PODNL1: variants seen among roughly 807,000 people sequenced by gnomAD.
PODNL1 encodes the protein podocan like 1.
In PODNL1, 50 loss-of-function variants were observed where a neutral mutation model predicts 45.1. The ratio of observed to expected loss-of-function variants is 1.11; its 90% CI spans 0.88 to 1.40. The LOEUF is 1.40. Among genes scored for constraint, PODNL1 ranks in the 40% most tolerant of loss-of-function variants. The pLI, the probability that PODNL1 is intolerant of heterozygous loss-of-function variation, is 0.00. For synonymous variants in PODNL1, 406 were observed against 372.5 expected (o/e 1.09, Z -1.04); for missense variants, 788 against 793.3 (o/e 0.99, Z 0.08).
chr19:13,931,836 G>A lies in PODNL1; in HGVS notation c.1626C>T (p.Leu542=). ...TSIAAEAFLG[L]PNLRVVDTAG... ...CCGTGTCCACCACACGCAGGTTTGG[G>A]AGCCCCAGGAAGGCCTCAGCCGCGA... The change falls in exon 10 of 10, where the codon CTC becomes CTT. Residue 542 remains leucine, a synonymous_variant. Coordinates refer to ENST00000588872, the MANE Select transcript of PODNL1 (RefSeq NM_001370095.3). 1 of 1,231,966 alleles carries A rather than the reference G, an allele frequency of 8.1e-7. No homozygotes were observed. 76.3% of individuals were successfully genotyped at this position (1,231,966 alleles called of 1,614,324 possible).
Position 13,934,283 on chromosome 19 carries a change from G to A in PODNL1, c.622C>T (p.Pro208Ser). ...AGGTGGAGCCGCTCGAGTGAGGGCG[G>A]CAGGCTGGGCGGCAGGTAGCTGAGC... ...NQLSYLPPSL[P>S]PSLERLHLQN... The change falls in exon 6 of 10, where the codon CCG (proline) becomes TCG (serine). Residue 208 changes from proline to serine, a missense_variant. Physicochemically the swap from Pro to Ser is moderately conservative, Grantham distance 74. Coordinates refer to ENST00000588872, the MANE Select transcript of PODNL1 (RefSeq NM_001370095.3). 6.5e-7 allele frequency: 1 copy of A among 1,531,654 alleles called. No homozygotes were observed. The highest frequency in any genetic ancestry group is 2.3e-5 in the East Asian group (1 of 43,408). The allele number at this position is 1,531,654 out of a possible 1,614,324, so 94.9% of individuals were successfully genotyped here.
At chr19:13,945,493 A>AT (rs902283331) in intron 1 of PODNL1, among the ~76,000 whole-genome samples, 97 of 147,220 alleles carry the variant, frequency 6.6e-4, no homozygotes, top group Middle Eastern at 3.4e-3. Flanking sequence ...TGTCTCTACA[A>AT]TTTTTTTTTT....
At chr19:13,936,740 C>T (rs1476573819) in intron 2 of PODNL1, among the ~76,000 whole-genome samples, 1 of 118,078 alleles carries the variant, frequency 8.5e-6, no homozygotes, top group Non-Finnish European at 1.7e-5. Flanking sequence ...CCCCCACAAC[C>T]GACCCCAAAT....
Position 13,933,012 on chromosome 19 carries a change from C to A in PODNL1, c.1211G>T (p.Arg404Leu). ...HRAFRRLRAL[R>L]SLDLAGNQLT... ...CTGATTCCCTGCCAGGTCGAGGCTG[C>A]GCAGGGCACGCAACCGGCGGAAGGC... Residue 404 changes from arginine (R) to leucine (L), a missense_variant, in exon 8 of 10, where the codon CGC becomes CTC. Arg to Leu is a moderately radical substitution (Grantham distance 102). Around this residue, in one of 3 missense-constraint regions of PODNL1, gnomAD observed 762 missense variants for 750.9 expected, o/e 1.01. Coordinates refer to ENST00000588872, the MANE Select transcript of PODNL1 (RefSeq NM_001370095.3). The surrounding 1 kb of genome is among the most constrained non-coding windows in gnomAD (Gnocchi z 5.2). The A allele has an allele frequency of 6.5e-7, 1 of 1,540,506 alleles. No homozygotes were observed. Among genetic ancestry groups the A allele is most frequent in the Non-Finnish European group, 8.7e-7 (1 of 1,148,734 alleles).
chr19:13,932,145 G>A (rs1971987548), intron 8 of PODNL1, 33 bp from the exon 9 acceptor site: 1 of 1,234,338 alleles, frequency 8.1e-7, no homozygotes, highest in Non-Finnish European at 1.0e-6. Context: ...CATCGTGGCA[G>A]CCCCAGGCCT....
In PODNL1 at chr19:13,938,284, C is replaced by G; in HGVS notation, c.-103G>C. 2.0e-6 allele frequency: 3 copies of G among 1,495,990 alleles called. No individual in the cohort carries two copies. The highest frequency in any genetic ancestry group is 2.7e-6 in the Non-Finnish European group (3 of 1,121,826). The allele number at this position is 1,495,990 out of a possible 1,614,324, so 92.7% of individuals were successfully genotyped here. A position where few individuals can be genotyped will look rare whatever the true frequency, so the allele number is the denominator to read the frequency against. On this transcript the variant is annotated 5_prime_UTR_variant, in exon 1 of 10. Transcript: ENST00000588872. ...AGCCTCTGCTGTGGCCACCACCGCC[C>G]CCCATCTCCAGACCCATGCCACCCC...
At position 13,933,601 on chromosome 19, in the gene PODNL1, G is replaced by A; in HGVS notation, c.768-146C>T. The A allele has an allele frequency of 1.0e-6, 1 of 982,730 alleles. No homozygotes were observed. The highest frequency in any genetic ancestry group is 1.5e-6 in the Non-Finnish European group (1 of 685,078). 60.9% of individuals were successfully genotyped at this position (982,730 alleles called of 1,614,324 possible). On this transcript the variant is annotated intron_variant, in intron 7 of 9. Coordinates refer to ENST00000588872, the MANE Select transcript of PODNL1 (RefSeq NM_001370095.3). This position sits in a 1 kb window ranked among gnomAD's most constrained non-coding sequence, Gnocchi z 5.2. ...GTGATGCGTGGAGAGAGCTGGGTGG[G>A]AGGTAAACTTGGGGTGCCCAGGGCA... is the stretch of plus-strand genomic sequence containing the variant.
intron 1 of PODNL1, among the ~76,000 whole-genome samples, chr19:13,944,671 G>A (rs998431143): frequency 2.0e-5 from 3 of 151,820 alleles, no homozygotes; most frequent in African/African-American, 4.8e-5. Flanking sequence ...TGGCCAGGCT[G>A]GTTTCAAACT....
At position 13,935,865 on chromosome 19, in the gene PODNL1, G is replaced by T; in HGVS notation, c.385-35C>A. 4.5e-6 allele frequency: 7 copies of T among 1,571,534 alleles called. No homozygotes were observed. In the East Asian group the frequency reaches 1.6e-4, roughly 36 times the overall value. ...CACAGCCCACAGCCGGACTGGTCCT[G>T]GTGCGCCTTGGCCCCACCACTTCCC... On this transcript the variant is annotated intron_variant, in intron 4 of 9. Transcript: ENST00000588872.
intron 1 of PODNL1, among the ~76,000 whole-genome samples, chr19:13,947,030 CAA>C (rs538797196): frequency 0.077 from 6,414 of 83,634 alleles, 505 homozygotes; most frequent in African/African-American, 0.23. Context: ...CAGCCTGTCT[CAA>C]AAAAAAAAAA....
chr19:13,938,021 G>T lies in PODNL1; in HGVS notation c.4-15C>A. The stretch of plus-strand genomic sequence containing the variant: ...AGGCTCGGCCACTGCGGGGGAGGGA[G>T]GGTCAGCGTGTCTCCAGGCTGGGCG... On this transcript the variant is annotated splice_polypyrimidine_tract_variant and intron_variant, in intron 1 of 9. Coordinates refer to ENST00000588872, the MANE Select transcript of PODNL1 (RefSeq NM_001370095.3). 1 of 1,494,968 alleles carries T rather than the reference G, an allele frequency of 6.7e-7. No homozygotes were observed. The highest frequency in any genetic ancestry group is 9.0e-7 in the Non-Finnish European group (1 of 1,108,276). The allele number at this position is 1,494,968 out of a possible 1,614,324, so 92.6% of individuals were successfully genotyped here. A position where few individuals can be genotyped will look rare whatever the true frequency, so the allele number is the denominator to read the frequency against.
At chr19:13,940,353 C>G (rs899659569), upstream of PODNL1, among the ~76,000 whole-genome samples, 1 of 140,248 alleles carries the variant, frequency 7.1e-6, no homozygotes, top group Non-Finnish European at 1.5e-5. Flanking sequence ...AGGTGGATCA[C>G]AAGGTCAAGA....
Position 13,933,265 on chromosome 19 carries a change from C to T in PODNL1, c.958G>A (p.Gly320Arg). The T allele has an allele frequency of 6.4e-7, 1 of 1,560,326 alleles. No individual in the cohort carries two copies. The highest frequency in any genetic ancestry group is 8.6e-7 in the Non-Finnish European group (1 of 1,158,150). Residue 320 changes from glycine to arginine, a missense_variant, in exon 8 of 10, where the codon GGG (glycine) becomes AGG (arginine). Around this residue, in one of 3 missense-constraint regions of PODNL1, gnomAD observed 762 missense variants for 750.9 expected, o/e 1.01. Coordinates refer to ENST00000588872, the MANE Select transcript of PODNL1 (RefSeq NM_001370095.3). The surrounding 1 kb of genome is among the most constrained non-coding windows in gnomAD (Gnocchi z 5.2). Reference protein sequence around the residue: ...LLQHNQLGSSGLPAGALRPLR... With the variant: ...LLQHNQLGSSRLPAGALRPLR... ...GGCCGCAGAGCCCCGGCGGGCAGCC[C>T]TGAGCTCCCCAGCTGGTTGTGCTGC...
chr19:13,950,331 T>C (rs886088401), intron 1 of PODNL1, among the ~76,000 whole-genome samples: 1 of 152,024 alleles, frequency 6.6e-6, no homozygotes, highest in Non-Finnish European at 1.5e-5. Flanking sequence ...GTAGAGTCAG[T>C]GAATTTCTTT....
chr19:13,948,528 A>G (rs1403496383), intron 1 of PODNL1, among the ~76,000 whole-genome samples: 1 of 150,710 alleles, frequency 6.6e-6, no homozygotes, highest in African/African-American at 2.4e-5. Flanking sequence ...TCCATTTTCA[A>G]TGCTAGTAGA....
intron 5 of PODNL1, among the ~76,000 whole-genome samples, chr19:13,934,807 GT>G (rs1972225076): frequency 6.6e-6 from 1 of 152,068 alleles, no homozygotes; most frequent in African/African-American, 2.4e-5. Context: ...GCATGTGATT[GT>G]AAGTGTGGGT....
intron 2 of PODNL1, 89 bp downstream of exon 2, chr19:13,937,696 C>A: frequency 8.0e-7 from 1 of 1,254,264 alleles, no homozygotes; most frequent in East Asian, 2.6e-5. Context: ...TATACCCCAC[C>A]ACGCTCCTCA....
In PODNL1 at chr19:13,948,364, C is replaced by G. The variant is rs1391643962; in HGVS notation, c.18+4755G>C. On this transcript the variant is annotated intron_variant, in intron 1 of 7. Coordinates refer to the PODNL1 transcript ENST00000538371. Reference sequence around the variant, plus strand: ...TACAGGCGCCCGCCACCACGCCCGGCTAATTTTTTTTTTTTTTTTTGTATT... The same window carrying G: ...TACAGGCGCCCGCCACCACGCCCGGGTAATTTTTTTTTTTTTTTTTGTATT... 2.3e-5 allele frequency among the ~76,000 whole-genome samples: 3 copies of G among 132,188 alleles called. No individual in the cohort carries two copies. In the Admixed American group the frequency reaches 2.4e-4, roughly 11 times the overall value. The allele number at this position is 132,188 out of a possible 152,430, so 86.7% of individuals were successfully genotyped here.
chr19:13,938,579 G>A (rs536799531), upstream of PODNL1: 682 of 532,298 alleles, frequency 1.3e-3, 1 homozygote, highest in Non-Finnish European at 1.4e-3. Flanking sequence ...GGAGGGATGG[G>A]GGGAGCTTCG....
Sources: gnomAD v4.1 joint callset for allele counts (sites outside exome capture counted in the v4.1 genomes callset) on GRCh38, gnomAD v4.1.1 for gene constraint, gnomAD v4.1.1 regional missense constraint, Gnocchi (gnomAD v3.1) non-coding constraint, MANE v1.5 for transcripts, NCBI Gene and HGNC (gene_info 2026-07-23, HGNC 2026-07-21) for gene names.